TGFBR3: variants seen among roughly 807,000 people sequenced by gnomAD.
TGFBR3 encodes the protein transforming growth factor beta receptor type 3.
TGFBR3 carries 46 observed loss-of-function variants against 87.9 expected under a neutral mutation model. The ratio of observed to expected loss-of-function variants is 0.52; its 90% CI spans 0.41 to 0.67. TGFBR3 has a LOEUF of 0.67. Among genes scored for constraint, TGFBR3 ranks in the 30% least tolerant of loss-of-function variants. TGFBR3 has a pLI of 0.00. For missense variants in TGFBR3, 866 were observed against 1,041.9 expected, an observed-to-expected ratio of 0.83 and a Z score of 2.32; for synonymous variants, 381 against 391.6, an observed-to-expected ratio of 0.97 and a Z score of 0.32.
At chr1:91,761,140 T>C (rs1319909922) in intron 3 of TGFBR3, among the ~76,000 whole-genome samples, 3 of 152,220 alleles carry the variant, frequency 2.0e-5, no homozygotes, top group African/African-American at 7.2e-5. Context: ...TTAGAGCTCA[T>C]AGATATGCAG....
chr1:91,697,157 C>A (rs574877217), intron 15 of TGFBR3, among the ~76,000 whole-genome samples: 5 of 152,156 alleles, frequency 3.3e-5, no homozygotes, highest in South Asian at 4.1e-4. Context: ...CTTTTTATAC[C>A]CACAGATGCA....
chr1:91,905,055 C>G (rs768838918), intron 1 of TGFBR3, among the ~76,000 whole-genome samples: 1 of 151,902 alleles, frequency 6.6e-6, no homozygotes, highest in Admixed American at 6.6e-5. Context: ...GATTTCTGGG[C>G]GAATTAAATA....
intron 2 of TGFBR3, among the ~76,000 whole-genome samples, chr1:91,852,334 T>A (rs2634030): frequency 6.6e-6 from 1 of 152,130 alleles, no homozygotes; most frequent in Non-Finnish European, 1.5e-5. Context: ...AGGGAATCTT[T>A]GAGAAATGAA....
At chr1:91,713,086 G>C (rs1433079735) in intron 12 of TGFBR3, among the ~76,000 whole-genome samples, 1 of 152,190 alleles carries the variant, frequency 6.6e-6, no homozygotes. Context: ...GGCAGAGCTG[G>C]CTCCGGCGCT....
intron 1 of TGFBR3, among the ~76,000 whole-genome samples, chr1:91,901,613 G>A (rs1014499217): frequency 3.9e-5 from 6 of 151,992 alleles, no homozygotes; most frequent in Admixed American, 2.6e-4. Context: ...GAAATTTTAT[G>A]GAAATAAACA....
intron 14 of TGFBR3, among the ~76,000 whole-genome samples, chr1:91,708,449 A>G (rs1671868905): frequency 6.6e-6 from 1 of 152,208 alleles, no homozygotes; most frequent in Admixed American, 6.5e-5. Context: ...TACAGAGGAA[A>G]TCATTTTCAA....
chr1:91,695,433 G>T, intron 16 of TGFBR3: 1 of 496,130 alleles, frequency 2.0e-6, no homozygotes. Flanking sequence ...CTTTATTAGC[G>T]GCTAAATTTC....
At chr1:91,890,250 T>C (rs1679416209), upstream of TGFBR3, among the ~76,000 whole-genome samples, 1 of 151,956 alleles carries the variant, frequency 6.6e-6, no homozygotes, top group African/African-American at 2.4e-5. Context: ...ACCCCTCCTG[T>C]AGGTGTGGAC....
intron 3 of TGFBR3, among the ~76,000 whole-genome samples, chr1:91,782,497 C>G (rs1028047630): frequency 1.3e-5 from 2 of 152,124 alleles, no homozygotes; most frequent in East Asian, 3.9e-4. Context: ...TGCTGCCTCC[C>G]AAGGAAAGCA....
chr1:91,806,034 A>G (rs1421965627), intron 2 of TGFBR3, among the ~76,000 whole-genome samples: 1 of 152,200 alleles, frequency 6.6e-6, no homozygotes, highest in Non-Finnish European at 1.5e-5. Context: ...ATTCATTCAT[A>G]TCTACTAAAA....
At chr1:91,722,377 TA>T (rs376856315) in intron 7 of TGFBR3, among the ~76,000 whole-genome samples, 1 of 152,006 alleles carries the variant, frequency 6.6e-6, no homozygotes, top group African/African-American at 2.4e-5. Context: ...CCTATGCTGA[TA>T]AAAAAAATCA....
intron 2 of TGFBR3, among the ~76,000 whole-genome samples, chr1:91,852,723 T>C (rs1424080482): frequency 4.6e-5 from 7 of 152,156 alleles, no homozygotes; most frequent in African/African-American, 1.2e-4. Flanking sequence ...GCCACCACCA[T>C]GCCACTCTAG....
intron 1 of TGFBR3, among the ~76,000 whole-genome samples, chr1:91,883,634 G>A (rs1679183911): frequency 6.6e-6 from 1 of 152,138 alleles, no homozygotes; most frequent in Admixed American, 6.6e-5. Context: ...TGCCTTTGAA[G>A]TGCTGGGATT....
chr1:91,789,389 T>C (rs1329980), intron 3 of TGFBR3, among the ~76,000 whole-genome samples: 2,058 of 152,286 alleles, frequency 0.014, 45 homozygotes, highest in African/African-American at 0.047. Context: ...CCAGCCAGCA[T>C]AGAACATAAA....
chr1:91,780,884 TACACACACACACACACACAC>T (rs56862200), intron 3 of TGFBR3, among the ~76,000 whole-genome samples: 32 of 132,658 alleles, frequency 2.4e-4, no homozygotes, highest in African/African-American at 8.1e-4. Flanking sequence ...ACTAGAGAAC[TACACACACACACACACACAC>T]ACACACACAC....
intron 3 of TGFBR3, among the ~76,000 whole-genome samples, chr1:91,759,586 T>C (rs1247871901): frequency 1.3e-5 from 2 of 152,000 alleles, no homozygotes; most frequent in Non-Finnish European, 2.9e-5. Context: ...AACATGAACA[T>C]AGGAGAACAA....
chr1:91,845,924 C>G (rs1677479427), intron 2 of TGFBR3, among the ~76,000 whole-genome samples: 1 of 152,162 alleles, frequency 6.6e-6, no homozygotes, highest in South Asian at 2.1e-4. Flanking sequence ...TCCTTTTCCT[C>G]TATTTAAGAA....
At chr1:91,691,533 C>T (rs1488985141) in intron 16 of TGFBR3, among the ~76,000 whole-genome samples, 6 of 152,138 alleles carry the variant, frequency 3.9e-5, no homozygotes, top group African/African-American at 1.4e-4. Flanking sequence ...AACTGTCTAC[C>T]AGGTGTTTCT....
chr1:91,800,915 G>T, intron 2 of TGFBR3: 1 of 195,468 alleles, frequency 5.1e-6, no homozygotes, highest in South Asian at 7.1e-5. Context: ...TAAACCCCGT[G>T]TCTACTAAAA....
Sources: gnomAD v4.1 joint callset for allele counts (sites outside exome capture counted in the v4.1 genomes callset) on GRCh38, gnomAD v4.1.1 for gene constraint, MANE v1.5 for transcripts, NCBI Gene and HGNC (gene_info 2026-07-23, HGNC 2026-07-21) for gene names.